SETDB2: variants seen among roughly 807,000 people sequenced by gnomAD.
SETDB2 encodes histone-lysine N-methyltransferase SETDB2.
In SETDB2, 56 loss-of-function variants were observed where a neutral mutation model predicts 82.5. That is an observed-to-expected ratio of 0.68 (90% CI 0.55 to 0.85). The LOEUF is 0.85. Ranked by LOEUF, SETDB2 falls within the 40% of genes least tolerant of loss-of-function variation. The pLI, the probability that SETDB2 is intolerant of heterozygous loss-of-function variation, is 0.00. For synonymous variants in SETDB2, 272 were observed against 284.9 expected, an observed-to-expected ratio of 0.95 and a Z score of 0.46; for missense variants, 677 against 816.4, an observed-to-expected ratio of 0.83 and a Z score of 2.08.
At chr13:49,491,010 T>C (rs1036372971) in intron 13 of SETDB2, 100 bp downstream of exon 13, 5 of 912,714 alleles carry the variant, frequency 5.5e-6, no homozygotes, top group Non-Finnish European at 8.3e-6. Flanking sequence ...CCCAGCACTT[T>C]GGGAGGCCAA....
In SETDB2 at chr13:49,476,995, C is replaced by T; in HGVS notation, c.825C>T (p.Ser275=). 1 of 1,611,142 alleles carries T rather than the reference C, an allele frequency of 6.2e-7. No individual in the cohort carries two copies. Among genetic ancestry groups the T allele is most frequent in the South Asian group, 1.1e-5 (1 of 90,756 alleles). Residue 275 remains serine, a synonymous_variant, in exon 6 of 14, where the codon AGC becomes AGT. Coordinates refer to ENST00000611815, the MANE Select transcript of SETDB2 (RefSeq NM_001160308.3). The part of the protein sequence containing the change: ...PRAYNLTNFS[S]MFTDSCDCSE... ...CATATAATCTAACCAACTTTTCCAG[C>T]ATGTTTACTGATTCCTGTGACTGCT...
intron 9 of SETDB2, 62 bp from the exon 10 acceptor site, chr13:49,483,402 C>A: frequency 1.6e-6 from 1 of 611,488 alleles, no homozygotes. Context: ...ATTATCTGTA[C>A]TTGAGTAAAG....
chr13:49,458,463 C>T (rs551376378), intron 2 of SETDB2, among the ~76,000 whole-genome samples: 2 of 152,326 alleles, frequency 1.3e-5, no homozygotes, highest in African/African-American at 4.8e-5. Context: ...ACTCCAAAGC[C>T]TAGGTTGTTA....
At chr13:49,453,842 A>G (rs1171050610) in intron 2 of SETDB2, among the ~76,000 whole-genome samples, 1 of 151,664 alleles carries the variant, frequency 6.6e-6, no homozygotes, top group Admixed American at 6.6e-5. Context: ...CCTTGTTTAT[A>G]GGCCCTTTCA....
rs766775724 is a variant in SETDB2 at position 49,467,933 on chromosome 13, A to T, written c.278A>T (p.Asn93Ile). The part of the protein sequence containing the change: ...SNAFPSTSCE[N>I]SFPEDCTFLT... The stretch of plus-strand genomic sequence containing the variant: ...GCATTTCCCTCTACATCATGTGAAA[A>T]CTCCTTTCCAGAAGACTGTACATTT... The change falls in exon 5 of 14, where the codon AAC becomes ATC. Residue 93 changes from asparagine to isoleucine, a missense_variant. Coordinates refer to ENST00000611815, the MANE Select transcript of SETDB2 (RefSeq NM_001160308.3). 1.2e-6 allele frequency: 2 copies of T among 1,607,894 alleles called. No individual in the cohort carries two copies. The highest frequency in any genetic ancestry group is 1.7e-6 in the Non-Finnish European group (2 of 1,177,622).
chr13:49,454,654 G>T (rs185304115), intron 2 of SETDB2, among the ~76,000 whole-genome samples: 13 of 152,164 alleles, frequency 8.5e-5, no homozygotes, highest in Non-Finnish European at 1.5e-4. Flanking sequence ...GATCCCTGAC[G>T]TCCTAAATGA....
At chr13:49,465,378 C>T (rs1466943319) in intron 4 of SETDB2, among the ~76,000 whole-genome samples, 1 of 152,112 alleles carries the variant, frequency 6.6e-6, no homozygotes, top group Non-Finnish European at 1.5e-5. Flanking sequence ...TCCAACTATG[C>T]TTGATATACA....
At chr13:49,464,867 A>G (rs952096437) in intron 4 of SETDB2, among the ~76,000 whole-genome samples, 4 of 151,874 alleles carry the variant, frequency 2.6e-5, no homozygotes, top group African/African-American at 4.8e-5. Context: ...TTTGAGACCA[A>G]CCTGGGCAAC....
At chr13:49,465,235 T>G (rs1299073589) in intron 4 of SETDB2, among the ~76,000 whole-genome samples, 1 of 152,204 alleles carries the variant, frequency 6.6e-6, no homozygotes, top group African/African-American at 2.4e-5. Context: ...TTTCTTGATG[T>G]TGTGTAACTC....
Position 49,444,634 on chromosome 13 carries a change from C to T in SETDB2, c.-565C>T, listed in dbSNP as rs1265824958. On this transcript the variant is annotated 5_prime_UTR_variant, in exon 1 of 14. Coordinates refer to ENST00000611815, the MANE Select transcript of SETDB2 (RefSeq NM_001160308.3). ...GGCTGGACCCCAGCCCTTGCAGCCT[C>T]CCTTCTCCTGGCACCCAAGTGCAGT... The T allele has an allele frequency of 6.4e-6, 1 of 155,176 alleles. No homozygotes were observed. The highest frequency in any genetic ancestry group is 1.4e-5 in the Non-Finnish European group (1 of 69,578). 9.6% of individuals were successfully genotyped at this position (155,176 alleles called of 1,614,324 possible). A position where few individuals can be genotyped will look rare whatever the true frequency, so the allele number is the denominator to read the frequency against.
intron 3 of SETDB2, among the ~76,000 whole-genome samples, chr13:49,460,789 A>G (rs1299170972): frequency 6.6e-6 from 1 of 152,174 alleles, no homozygotes; most frequent in Non-Finnish European, 1.5e-5. Context: ...GGATGGTCTT[A>G]TGACATTATT....
intron 4 of SETDB2, 40 bp from the exon 5 acceptor site, chr13:49,467,824 A>T (rs767972576): frequency 1.5e-5 from 23 of 1,492,984 alleles, no homozygotes; most frequent in Middle Eastern, 1.7e-4. Context: ...AATGGTTTTT[A>T]ACTTGGTATA....
chr13:49,467,033 C>A (rs1292430979), intron 4 of SETDB2, among the ~76,000 whole-genome samples: 3 of 151,970 alleles, frequency 2.0e-5, no homozygotes, highest in Non-Finnish European at 4.4e-5. Context: ...AAGGAGCAAC[C>A]TTGAAATACA....
chr13:49,474,613 C>T (rs977353374), intron 5 of SETDB2, among the ~76,000 whole-genome samples: 4 of 152,206 alleles, frequency 2.6e-5, no homozygotes, highest in South Asian at 2.1e-4. Context: ...TTACTGTATA[C>T]GTTCTAAAAG....
intron 8 of SETDB2, chr13:49,482,292 T>G (rs1205207785): frequency 1.0e-6 from 1 of 985,454 alleles, no homozygotes; most frequent in East Asian, 1.1e-4. Context: ...TTTAGTGTTA[T>G]GCAGAACTTA....
chr13:49,491,762 G>A lies in SETDB2; in HGVS notation c.2037G>A (p.Trp679Ter). ...RYVKARTELTWDYGYEAGTVP... is the reference protein window; with the variant it reads ...RYVKARTELT ...TGAAAGCAAGAACAGAGCTAACATGGGATTATGGCTATGAAGCTGGGACTG... is the reference window on the plus strand; with the variant it reads ...TGAAAGCAAGAACAGAGCTAACATGAGATTATGGCTATGAAGCTGGGACTG... The change falls in exon 14 of 14, where the codon TGG becomes TGA. Residue 679 changes from tryptophan to a stop codon, truncating the protein, a stop_gained. Transcript: ENST00000611815. LOFTEE classifies it high-confidence loss of function. 6.2e-7 allele frequency: 1 copy of A among 1,612,608 alleles called. No homozygotes were observed. Among genetic ancestry groups the A allele is most frequent in the Non-Finnish European group, 8.5e-7 (1 of 1,179,596 alleles).
chr13:49,463,039 T>C (rs1253483038), intron 4 of SETDB2, among the ~76,000 whole-genome samples: 1 of 152,134 alleles, frequency 6.6e-6, no homozygotes, highest in Non-Finnish European at 1.5e-5. Context: ...GAAATCTTGC[T>C]CTCTCTCCCA....
Position 49,476,959 on chromosome 13 carries a change from G to A in SETDB2, c.789G>A (p.Val263=), listed in dbSNP as rs145310842. The A allele has an allele frequency of 6.2e-7, 1 of 1,613,980 alleles. No individual in the cohort carries two copies. Residue 263 remains valine, a synonymous_variant, in exon 6 of 14, where the codon GTG becomes GTA. Transcript: ENST00000611815. The part of the protein sequence containing the change: ...KLPQFKYRKT[V]WPRAYNLTNF... ...CACAGTTTAAGTACAGAAAGACTGTGTGGCCTCGAGCATATAATCTAACCA... is the reference window on the plus strand; with the variant it reads ...CACAGTTTAAGTACAGAAAGACTGTATGGCCTCGAGCATATAATCTAACCA...
At position 49,491,804 on chromosome 13, in the gene SETDB2, C is replaced by G. The variant is rs1958718128; in HGVS notation, c.2079C>G (p.Ile693Met). The change falls in exon 14 of 14, where the codon ATC becomes ATG. Residue 693 changes from isoleucine to methionine, a missense_variant. Ile to Met is a conservative substitution (Grantham distance 10). Coordinates refer to ENST00000611815, the MANE Select transcript of SETDB2 (RefSeq NM_001160308.3). ...YEAGTVPEKE[I>M]FCQCGVNKCR... The stretch of plus-strand genomic sequence containing the variant: ...CTGGGACTGTGCCTGAGAAGGAAAT[C>G]TTCTGCCAATGTGGGGTTAATAAAT... The G allele has an allele frequency of 6.2e-7, 1 of 1,613,014 alleles. No individual in the cohort carries two copies. The highest frequency in any genetic ancestry group is 8.5e-7 in the Non-Finnish European group (1 of 1,179,662).
Sources: gnomAD v4.1 joint callset for allele counts (sites outside exome capture counted in the v4.1 genomes callset) on GRCh38, gnomAD v4.1.1 for gene constraint, MANE v1.5 for transcripts, NCBI Gene and HGNC (gene_info 2026-07-23, HGNC 2026-07-21) for gene names.